The following ANKFY1 variants were observed in gnomAD, a reference collection of about 807,000 sequenced individuals.
The protein encoded by ANKFY1 is ankyrin repeat and FYVE domain-containing protein 1.
A neutral mutation model predicts 128.3 loss-of-function variants in ANKFY1; 47 were observed. The ratio of observed to expected loss-of-function variants is 0.37; its 90% confidence interval spans 0.29 to 0.47. The LOEUF (loss-of-function observed/expected upper bound fraction) is 0.47. Among genes scored for constraint, ANKFY1 ranks in the 20% least tolerant of loss-of-function variants. The pLI, the probability that ANKFY1 is intolerant of heterozygous loss-of-function variation, is 1.00. For synonymous variants in ANKFY1, 553 were observed against 601.6 expected (o/e 0.92, Z 1.18); for missense variants, 1,222 against 1,510.6 (o/e 0.81, Z 3.17).
At position 4,184,445 on chromosome 17, in the gene ANKFY1, C is replaced by T. The variant is rs949234104; in HGVS notation, c.1699+373G>A. On this transcript the variant is annotated intron_variant, in intron 12 of 24. Transcript: ENST00000341657. ...CCCTTCTGTCCCACAGGGGCTGCCC[C>T]TGGCCCCTCTTTCTGGCCCCTCTCT... Among the ~76,000 whole-genome samples, 8 of 152,338 alleles carry T rather than the reference C, an allele frequency of 5.3e-5. 1 individual carries two copies. The Middle Eastern group carries it at 0.014, about 259-fold the overall frequency.
At chr17:4,242,812 G>C (rs1384993739) in intron 1 of ANKFY1, among the ~76,000 whole-genome samples, 1 of 152,140 alleles carries the variant, frequency 6.6e-6, no homozygotes, top group Non-Finnish European at 1.5e-5. Flanking sequence ...ATGGTTACAG[G>C]GATTTCTCCT....
chr17:4,221,705 A>T (rs777773530), intron 3 of ANKFY1, among the ~76,000 whole-genome samples: 3 of 152,056 alleles, frequency 2.0e-5, no homozygotes, highest in Non-Finnish European at 4.4e-5. Context: ...TGCAACCTCC[A>T]TCTCCCAATT....
chr17:4,224,947 T>G (rs1344169572), intron 3 of ANKFY1, among the ~76,000 whole-genome samples: 2 of 151,936 alleles, frequency 1.3e-5, no homozygotes, highest in East Asian at 1.9e-4. Flanking sequence ...TGTCGTTTTT[T>G]TTTTTTTTTT....
intron 3 of ANKFY1, among the ~76,000 whole-genome samples, chr17:4,235,002 T>C (rs1304048000): frequency 6.6e-6 from 1 of 152,158 alleles, no homozygotes; most frequent in Non-Finnish European, 1.5e-5. Flanking sequence ...GAAAGAATAT[T>C]GTTATTCTTC....
chr17:4,224,248 G>A (rs1230052722), intron 3 of ANKFY1, among the ~76,000 whole-genome samples: 4 of 129,122 alleles, frequency 3.1e-5, no homozygotes, highest in Non-Finnish European at 4.7e-5. Flanking sequence ...TTTTTGAGAC[G>A]GAGTCTCGCT....
intron 7 of ANKFY1, among the ~76,000 whole-genome samples, chr17:4,203,810 C>T (rs1170889129): frequency 7.5e-5 from 9 of 119,438 alleles, no homozygotes; most frequent in East Asian, 2.6e-4. Context: ...AGCGAAACTC[C>T]GTCTCAACAA....
At chr17:4,182,792 A>G (rs1181475315) in intron 14 of ANKFY1, among the ~76,000 whole-genome samples, 1 of 152,196 alleles carries the variant, frequency 6.6e-6, no homozygotes, top group African/African-American at 2.4e-5. Context: ...TCTTCATTGT[A>G]ACTGAAATTC....
intron 3 of ANKFY1, chr17:4,223,224 G>C: frequency 1.3e-6 from 1 of 786,846 alleles, no homozygotes; most frequent in South Asian, 1.4e-5. Context: ...ATTACTCATG[G>C]GTGTATACGA....
intron 24 of ANKFY1, among the ~76,000 whole-genome samples, chr17:4,168,368 G>A (rs1454209197): frequency 6.6e-6 from 1 of 152,140 alleles, no homozygotes; most frequent in East Asian, 1.9e-4. Flanking sequence ...AATAAGAATC[G>A]CTTGAACCCG....
intron 19 of ANKFY1, among the ~76,000 whole-genome samples, chr17:4,175,871 C>T (rs888338677): frequency 6.6e-6 from 1 of 152,190 alleles, no homozygotes; most frequent in Non-Finnish European, 1.5e-5. Flanking sequence ...GGAAGGAGCA[C>T]ACGGACACTG....
intron 12 of ANKFY1, among the ~76,000 whole-genome samples, 171 bp from the exon 13 acceptor site, chr17:4,184,081 G>A (rs1016271857): frequency 2.0e-5 from 3 of 152,148 alleles, no homozygotes; most frequent in Non-Finnish European, 4.4e-5. Flanking sequence ...CTGATATTTT[G>A]GAGCAAAACT....
intron 1 of ANKFY1, among the ~76,000 whole-genome samples, chr17:4,248,178 C>T (rs1967656059): frequency 2.0e-5 from 3 of 152,168 alleles, no homozygotes; most frequent in Admixed American, 1.3e-4. Context: ...AGGCCGTGGA[C>T]GGGTACTAGT....
intron 3 of ANKFY1, among the ~76,000 whole-genome samples, chr17:4,217,970 C>T (rs187282044): frequency 6.6e-6 from 1 of 152,246 alleles, no homozygotes; most frequent in Non-Finnish European, 1.5e-5. Flanking sequence ...AGGCGTGAGC[C>T]GCTTCACCCA....
intron 7 of ANKFY1, among the ~76,000 whole-genome samples, chr17:4,203,048 T>A (rs961858493): frequency 1.3e-5 from 2 of 150,632 alleles, no homozygotes. Flanking sequence ...AAATAGAAAA[T>A]TAATAAAGTT....
Position 4,242,416 on chromosome 17 carries a change from G to A in ANKFY1, c.43C>T (p.Leu15Phe), listed in dbSNP as rs1967291501. The A allele has an allele frequency of 6.4e-7, 1 of 1,571,324 alleles. No homozygotes were observed. The highest frequency in any genetic ancestry group is 2.4e-5 in the East Asian group (1 of 41,150). ...EVAKLEKHLM[L>F]LRQEYVKLQK... ...AGCTTGACATACTCCTGCCGCAGAAGCATCAAGTGCTTCTCCAACTTGGCC... is the reference window on the plus strand; with the variant it reads ...AGCTTGACATACTCCTGCCGCAGAAACATCAAGTGCTTCTCCAACTTGGCC... Residue 15 changes from leucine to phenylalanine, a missense_variant, in exon 2 of 25, where the codon CTT (leucine) becomes TTT (phenylalanine). By Grantham distance (22) the Leu-to-Phe change is conservative (BLOSUM62 0). Coordinates refer to ENST00000341657, the MANE Select transcript of ANKFY1 (RefSeq NM_001330063.2).
At chr17:4,186,597 C>T (rs572193642) in intron 11 of ANKFY1, 61 of 154,900 alleles carry the variant, frequency 3.9e-4, no homozygotes, top group Non-Finnish European at 7.7e-4. Context: ...TACTTTTACG[C>T]CTTGACCCAG....
intron 6 of ANKFY1, 49 bp from the exon 7 acceptor site, chr17:4,206,535 C>T (rs757693260): frequency 4.5e-6 from 7 of 1,553,508 alleles, no homozygotes; most frequent in Middle Eastern, 1.7e-4. Context: ...GAGAATACGA[C>T]CTATTTTAAT....
chr17:4,248,366 C>T (rs1467996068), intron 1 of ANKFY1, among the ~76,000 whole-genome samples: 2 of 152,220 alleles, frequency 1.3e-5, no homozygotes, highest in Non-Finnish European at 2.9e-5. Context: ...CCTTATGAGA[C>T]TCCAGTGCCT....
At chr17:4,173,125 G>A (rs2059352167) in intron 21 of ANKFY1, among the ~76,000 whole-genome samples, 1 of 152,252 alleles carries the variant, frequency 6.6e-6, no homozygotes, top group Admixed American at 6.5e-5. Flanking sequence ...CGAAGTGCTG[G>A]GATTACAGGC....
Sources: gnomAD v4.1 joint callset for allele counts (sites outside exome capture counted in the v4.1 genomes callset) on GRCh38, gnomAD v4.1.1 for gene constraint, MANE v1.5 for transcripts, NCBI Gene and HGNC (gene_info 2026-07-23, HGNC 2026-07-21) for gene names.